NPAT: variants seen among roughly 807,000 people sequenced by gnomAD.
The protein encoded by NPAT is protein NPAT.
In NPAT, 52 loss-of-function variants were observed where a neutral mutation model predicts 130.7. The ratio of observed to expected loss-of-function variants is 0.40; its 90% confidence interval spans 0.32 to 0.50. The LOEUF (loss-of-function observed/expected upper bound fraction) is 0.50. Ranked by LOEUF, NPAT falls within the 20% of genes least tolerant of loss-of-function variation. The probability of loss-of-function intolerance (pLI) is 0.68; values close to 1 mark genes in which losing one functional copy is unlikely to be tolerated. For missense variants in NPAT, 1,687 were observed against 1,662.6 expected, an observed-to-expected ratio of 1.01 and a Z score of -0.26; for synonymous variants, 580 against 584.8, an observed-to-expected ratio of 0.99 and a Z score of 0.12.
At chr11:108,165,472 A>ATATAT (rs1555039325) in intron 15 of NPAT, among the ~76,000 whole-genome samples, 180 of 129,752 alleles carry the variant, frequency 1.4e-3, no homozygotes, top group Non-Finnish European at 2.0e-3. Flanking sequence ...ATATATATAT[A>ATATAT]TTTTTTTTTT....
At position 108,200,332 on chromosome 11, in the gene NPAT, T is replaced by C. The variant is rs567319046; in HGVS notation, c.38-2912A>G. 7.2e-4 allele frequency among the ~76,000 whole-genome samples: 110 copies of C among 152,248 alleles called. 1 individual carries two copies. The highest frequency in any genetic ancestry group is 2.5e-3 in the African/African-American group (104 of 41,558). ...AGGAAAGCCTTTAATCTGATATTTT[T>C]CCCAACCCCTTAGTTATAGTTGAGG... On this transcript the variant is annotated intron_variant, in intron 1 of 17. Transcript: ENST00000278612.
chr11:108,197,310 A>T lies in NPAT; in HGVS notation c.148T>A (p.Cys50Ser). ...HCTDEGFIPACLLSLFGKNLT... is the reference protein window; with the variant it reads ...HCTDEGFIPASLLSLFGKNLT... ...AGGAACAAATAACTCACCAGTAAGC[A>T]GGCTGGAATAAACCCTTCATCTGTA... The change falls in exon 2 of 18, where the codon TGC becomes AGC. Residue 50 changes from cysteine to serine, a missense_variant. Physicochemically the swap from Cys to Ser is moderately radical, Grantham distance 112 (BLOSUM62 -1). Around this residue, in one of 3 missense-constraint regions of NPAT, gnomAD observed 307 missense variants for 298.9 expected, o/e 1.03. Coordinates refer to ENST00000278612, the MANE Select transcript of NPAT (RefSeq NM_002519.3). 1 of 1,583,394 alleles carries T rather than the reference A, an allele frequency of 6.3e-7. No individual in the cohort carries two copies. Among genetic ancestry groups the T allele is most frequent in the Non-Finnish European group, 8.7e-7 (1 of 1,152,096 alleles).
chr11:108,186,871 G>A (rs1263804580), intron 7 of NPAT, among the ~76,000 whole-genome samples: 1 of 152,136 alleles, frequency 6.6e-6, no homozygotes, highest in East Asian at 1.9e-4. Flanking sequence ...ATGAACCCAT[G>A]CAGTTGAAAC....
intron 2 of NPAT, among the ~76,000 whole-genome samples, chr11:108,194,378 C>T (rs950391627): frequency 6.6e-6 from 1 of 152,228 alleles, no homozygotes; most frequent in African/African-American, 2.4e-5. Context: ...ATATCTCAGA[C>T]TATAACCCAA....
At chr11:108,219,897 C>T (rs2078467768) in intron 1 of NPAT, among the ~76,000 whole-genome samples, 1 of 152,196 alleles carries the variant, frequency 6.6e-6, no homozygotes, top group Admixed American at 6.5e-5. Flanking sequence ...GCTATGGCAA[C>T]ATTTAAGAAG....
intron 1 of NPAT, among the ~76,000 whole-genome samples, chr11:108,219,993 G>C (rs1442011430): frequency 6.6e-6 from 1 of 152,188 alleles, no homozygotes; most frequent in Admixed American, 6.5e-5. Context: ...ACAAAGAGAA[G>C]TAGAATACAT....
chr11:108,215,161 A>C (rs1204221742), intron 1 of NPAT, among the ~76,000 whole-genome samples: 2 of 152,194 alleles, frequency 1.3e-5, no homozygotes, highest in Non-Finnish European at 2.9e-5. Context: ...ACAGTTTAGT[A>C]TAATTACTCC....
intron 15 of NPAT, among the ~76,000 whole-genome samples, chr11:108,168,133 A>T (rs1207751928): frequency 3.3e-5 from 5 of 152,108 alleles, no homozygotes; most frequent in Non-Finnish European, 7.4e-5. Context: ...TCTATGACTC[A>T]GAAATTCTGG....
In NPAT at chr11:108,172,644, A is replaced by G; in HGVS notation, c.2340T>C (p.Pro780=). The change falls in exon 13 of 18, where the codon CCT becomes CCC. Residue 780 remains proline, a synonymous_variant. Transcript: ENST00000278612. ...TIILSSPTKS[P]TKNAELVKCL... is the part of the protein sequence containing the mutation. Reference sequence around the variant, plus strand: ...ATTTAACTAGTTCTGCATTTTTAGTAGGTGATTTAGTAGGAGAAGACAAGA... The same window carrying G: ...ATTTAACTAGTTCTGCATTTTTAGTGGGTGATTTAGTAGGAGAAGACAAGA... 1 of 1,614,140 alleles carries G rather than the reference A, an allele frequency of 6.2e-7. No individual in the cohort carries two copies. The highest frequency in any genetic ancestry group is 1.1e-5 in the South Asian group (1 of 91,082).
chr11:108,166,466 T>C (rs1277183406), intron 15 of NPAT, among the ~76,000 whole-genome samples: 1 of 152,190 alleles, frequency 6.6e-6, no homozygotes, highest in Non-Finnish European at 1.5e-5. Flanking sequence ...TCTTCTATCA[T>C]TTAATTGTTT....
At chr11:108,218,250 G>A (rs556223961) in intron 1 of NPAT, among the ~76,000 whole-genome samples, 1 of 152,238 alleles carries the variant, frequency 6.6e-6, no homozygotes, top group East Asian at 1.9e-4. Context: ...ATAAGTGGAG[G>A]TGGTAATGAG....
chr11:108,184,157 T>C (rs2078082393), intron 10 of NPAT, among the ~76,000 whole-genome samples: 1 of 152,076 alleles, frequency 6.6e-6, no homozygotes, highest in Non-Finnish European at 1.5e-5. Flanking sequence ...TGGTTAGCAA[T>C]CTTTCTTTTT....
intron 1 of NPAT, among the ~76,000 whole-genome samples, chr11:108,209,509 G>A (rs528517159): frequency 3.0e-4 from 46 of 152,022 alleles, no homozygotes; most frequent in African/African-American, 1.0e-3. Flanking sequence ...CTATGATCGC[G>A]CCACTGCACT....
intron 15 of NPAT, among the ~76,000 whole-genome samples, chr11:108,169,244 ACTT>A (rs1048670415): frequency 6.6e-6 from 1 of 152,206 alleles, no homozygotes; most frequent in African/African-American, 2.4e-5. Flanking sequence ...TAATTTGCAA[ACTT>A]TAAAGCCTTG....
At chr11:108,174,227 C>T (rs1418476658) in intron 12 of NPAT, among the ~76,000 whole-genome samples, 3 of 152,222 alleles carry the variant, frequency 2.0e-5, no homozygotes, top group African/African-American at 4.8e-5. Context: ...TCTACTGTCT[C>T]GGCCTCCCAA....
chr11:108,214,571 AC>A (rs2078414893), intron 1 of NPAT, among the ~76,000 whole-genome samples: 1 of 152,088 alleles, frequency 6.6e-6, no homozygotes, highest in South Asian at 2.1e-4. Context: ...ACCCTGAAAA[AC>A]AACGAAGTTT....
chr11:108,183,973 CA>C (rs61030752), intron 10 of NPAT, among the ~76,000 whole-genome samples: 3 of 147,596 alleles, frequency 2.0e-5, no homozygotes, highest in African/African-American at 2.5e-5. Context: ...GACCCTGTCT[CA>C]AAAAAAAAAA....
chr11:108,215,284 GTATT>G (rs1359243613), intron 1 of NPAT, among the ~76,000 whole-genome samples: 5 of 151,990 alleles, frequency 3.3e-5, no homozygotes, highest in Non-Finnish European at 7.4e-5. Flanking sequence ...TAGTCAGTAA[GTATT>G]TGTTAGCTAC....
At chr11:108,159,242 A>G (rs1015962862) in intron 17 of NPAT, among the ~76,000 whole-genome samples, 2 of 152,196 alleles carry the variant, frequency 1.3e-5, no homozygotes, top group Non-Finnish European at 2.9e-5. Context: ...TTTATGGCAA[A>G]AGACATGATA....
Sources: gnomAD v4.1 joint callset for allele counts (sites outside exome capture counted in the v4.1 genomes callset) on GRCh38, gnomAD v4.1.1 for gene constraint, gnomAD v4.1.1 regional missense constraint, MANE v1.5 for transcripts, NCBI Gene and HGNC (gene_info 2026-07-23, HGNC 2026-07-21) for gene names.